The following C6orf120 variants were observed in gnomAD, a reference collection of about 807,000 sequenced individuals.
C6orf120 encodes UPF0669 protein C6orf120.
For missense variants in C6orf120, 311 were observed against 264.2 expected (o/e 1.18, Z -1.23); for synonymous variants, 165 against 123.1 (o/e 1.34, Z -2.25).
At chr6:169,703,954 C>G in exon 1 of C6orf120, 1 of 1,373,642 alleles carries the variant, frequency 7.3e-7, no homozygotes, top group Non-Finnish European at 9.9e-7. Flanking sequence ...GTAAATGGCA[C>G]CAAATATTCC....
chr6:169,705,869 C>CT (rs1304935223), downstream of C6orf120: 50 of 631,490 alleles, frequency 7.9e-5, no homozygotes, highest in Non-Finnish European at 1.3e-4. Context: ...TGACAGGAGT[C>CT]TGCCTACAAT....
chr6:169,704,014 T>C, exon 1 of C6orf120: 1 of 1,601,566 alleles, frequency 6.2e-7, no homozygotes, highest in Non-Finnish European at 8.5e-7. Context: ...TATCCCTCTT[T>C]GCTGTTTTTC....
chr6:169,702,911 C>G, exon 1 of C6orf120: 1 of 1,612,692 alleles, frequency 6.2e-7, no homozygotes, highest in Non-Finnish European at 8.5e-7. Flanking sequence ...GCCTACCCCG[C>G]CGACGGCGCA....
At chr6:169,702,598 G>A (rs1179742269) in exon 1 of C6orf120, 17 of 1,613,198 alleles carry the variant, frequency 1.1e-5, no homozygotes, top group Non-Finnish European at 1.4e-5. Context: ...CGTCGTCCAG[G>A]GCCAGATAGG....
exon 1 of C6orf120, chr6:169,704,174 A>C (rs762371696): frequency 1.1e-6 from 1 of 906,084 alleles, no homozygotes; most frequent in Non-Finnish European, 1.6e-6. Flanking sequence ...TGCCTTAGCT[A>C]TCACTAATGA....
exon 1 of C6orf120, chr6:169,702,457 G>A (rs1200413245): frequency 6.6e-7 from 1 of 1,526,024 alleles, no homozygotes; most frequent in East Asian, 2.4e-5. Context: ...TGAGCCGCCA[G>A]CCATGGCCGC....
At chr6:169,705,222 T>C (rs1291357461), downstream of C6orf120, 1 of 1,613,614 alleles carries the variant, frequency 6.2e-7, no homozygotes, top group African/African-American at 1.3e-5. Flanking sequence ...ATGGTGGGGT[T>C]GTCCACATAT....
exon 1 of C6orf120, chr6:169,704,126 C>T: frequency 6.9e-7 from 1 of 1,455,920 alleles, no homozygotes; most frequent in South Asian, 1.3e-5. Flanking sequence ...GAAAAATTAT[C>T]TTTACAGGAC....
downstream of C6orf120, chr6:169,705,774 G>A: frequency 1.1e-6 from 1 of 892,220 alleles, no homozygotes; most frequent in South Asian, 1.3e-5. Flanking sequence ...AGCTTACTAT[G>A]GGTTTAAAAG....
downstream of C6orf120, among the ~76,000 whole-genome samples, chr6:169,705,943 G>A (rs143185653): frequency 1.4e-3 from 219 of 152,174 alleles, no homozygotes; most frequent in Admixed American, 3.6e-3. Flanking sequence ...GCATGATCTC[G>A]TAAGATTAAA....
exon 1 of C6orf120, chr6:169,702,482 C>T (rs941926749): frequency 1.3e-6 from 2 of 1,568,994 alleles, no homozygotes; most frequent in African/African-American, 2.7e-5. Context: ...CGCGGGAGGG[C>T]CGCGCCCTGG....
At chr6:169,702,184 G>A (rs1381715454), upstream of C6orf120, 5 of 663,064 alleles carry the variant, frequency 7.5e-6, no homozygotes, top group African/African-American at 3.5e-5. Context: ...GCGGCCCCCT[G>A]CGGGGAGTGG....
At chr6:169,702,204 C>T (rs576580290) in exon 1 of C6orf120, 1 of 678,976 alleles carries the variant, frequency 1.5e-6, no homozygotes, top group South Asian at 1.5e-5. Context: ...GTGGTGAGTC[C>T]GAGGGTGCCA....
At position 169,703,690 on chromosome 6, in the gene C6orf120, C is replaced by A. The variant is rs908820902; in HGVS notation, c.*655C>A. 9.3e-5 allele frequency: 32 copies of A among 344,924 alleles called. No homozygotes were observed. The South Asian group carries it at 1.1e-3, about 12-fold the overall frequency. The allele number at this position is 344,924 out of a possible 1,614,324, so 21.4% of individuals were successfully genotyped here. On this transcript the variant is annotated 3_prime_UTR_variant, in exon 1 of 1. Transcript: ENST00000332290. ...TTTGTCAGTGCTACCTATGGTAGGC[C>A]GGAAACAATGTAGATTAGGAAGTTT...
chr6:169,704,808 A>T (rs1010434466), exon 1 of C6orf120: 1 of 213,952 alleles, frequency 4.7e-6, no homozygotes, highest in Non-Finnish European at 1.0e-5. Flanking sequence ...AAGACGTAGC[A>T]GTCATTTTGT....
At chr6:169,703,259 A>T (rs1788540597) in exon 1 of C6orf120, 2 of 598,546 alleles carry the variant, frequency 3.3e-6, no homozygotes, top group Admixed American at 6.1e-5. Flanking sequence ...GACTGTGCAC[A>T]AAGTGTTTAG....
downstream of C6orf120, chr6:169,705,455 A>G: frequency 6.9e-6 from 5 of 723,968 alleles, no homozygotes; most frequent in Admixed American, 2.6e-5. Flanking sequence ...ATGAATATAC[A>G]ATGTAGAGGA....
exon 1 of C6orf120, chr6:169,702,919 G>A (rs765435846): frequency 1.2e-6 from 2 of 1,612,522 alleles, no homozygotes; most frequent in Admixed American, 3.3e-5. Flanking sequence ...CGCCGACGGC[G>A]CAGATGCCGG....
chr6:169,702,205 G>A (rs543647806), exon 1 of C6orf120: 4 of 679,556 alleles, frequency 5.9e-6, no homozygotes, highest in African/African-American at 5.3e-5. Context: ...TGGTGAGTCC[G>A]AGGGTGCCAC....
Sources: gnomAD v4.1 joint callset for allele counts (sites outside exome capture counted in the v4.1 genomes callset) on GRCh38, gnomAD v4.1.1 for gene constraint, MANE v1.5 for transcripts, NCBI Gene and HGNC (gene_info 2026-07-23, HGNC 2026-07-21) for gene names.